Variants in KLF7 observed in about 807,000 individuals in gnomAD.
KLF7 encodes the protein Krueppel-like factor 7.
KLF7 carries 2 observed loss-of-function variants against 27.3 expected under a neutral mutation model. The ratio of observed to expected loss-of-function variants is 0.07; its 90% CI spans 0.03 to 0.23. The LOEUF (loss-of-function observed/expected upper bound fraction) is 0.23, where lower values mean the gene tolerates loss of function less well. Among genes scored for constraint, KLF7 ranks in the 10% least tolerant of loss-of-function variants. KLF7 has a pLI of 1.00. For synonymous variants in KLF7, 165 were observed against 162.4 expected (o/e 1.02, Z -0.12); for missense variants, 221 against 394.1 (o/e 0.56, Z 3.72).
chr2:207,161,697 T>C (rs911002317), intron 1 of KLF7, among the ~76,000 whole-genome samples: 1 of 152,210 alleles, frequency 6.6e-6, no homozygotes, highest in Non-Finnish European at 1.5e-5. Context: ...AGATTCCTTA[T>C]ACCAAAGGCC....
chr2:207,157,437 C>T (rs1012881241), intron 1 of KLF7, among the ~76,000 whole-genome samples: 7 of 151,682 alleles, frequency 4.6e-5, no homozygotes, highest in Non-Finnish European at 7.4e-5. Context: ...AGGAAAAAGG[C>T]TAAAGGAAAC....
upstream of KLF7, among the ~76,000 whole-genome samples, chr2:207,169,072 T>C (rs1387992160): frequency 3.9e-5 from 6 of 152,236 alleles, no homozygotes; most frequent in Non-Finnish European, 2.9e-5. Flanking sequence ...AGAGTGCATG[T>C]AATTTGCTCA....
rs536930734 is a variant in KLF7 at position 207,117,815 on chromosome 2, A to G, written c.733+5959T>C. Among the ~76,000 whole-genome samples the G allele has an allele frequency of 2.6e-5, 4 of 152,308 alleles. No individual in the cohort carries two copies. In the South Asian group the frequency reaches 8.3e-4, roughly 32 times the overall value. On this transcript the variant is annotated intron_variant, in intron 2 of 3. Transcript: ENST00000309446. ...ATAAACACTCTGTCCAGAAGGAGAG[A>G]AGCGACTTGTTATCTCCAAATCTTC...
chr2:207,090,530 G>A (rs2076488013), intron 2 of KLF7, among the ~76,000 whole-genome samples: 2 of 152,190 alleles, frequency 1.3e-5, no homozygotes, highest in South Asian at 4.1e-4. Context: ...TCAGTATTCA[G>A]TTCCTGTCTC....
At chr2:207,116,176 T>C (rs2077180562) in intron 2 of KLF7, among the ~76,000 whole-genome samples, 1 of 152,254 alleles carries the variant, frequency 6.6e-6, no homozygotes, top group Admixed American at 6.5e-5. Context: ...TGACACATTC[T>C]GCCCCTGGTG....
At chr2:207,098,589 AG>A (rs1422381178) in intron 2 of KLF7, among the ~76,000 whole-genome samples, 1 of 151,212 alleles carries the variant, frequency 6.6e-6, no homozygotes, top group African/African-American at 2.4e-5. Flanking sequence ...GAACGTATAC[AG>A]GAACAGACTC....
intron 1 of KLF7, among the ~76,000 whole-genome samples, chr2:207,145,770 G>A (rs562095794): frequency 6.6e-6 from 1 of 152,178 alleles, no homozygotes; most frequent in African/African-American, 2.4e-5. Flanking sequence ...AGTTCCACAA[G>A]AGCATGGGCA....
chr2:207,170,511 T>G (rs758306978), upstream of KLF7, among the ~76,000 whole-genome samples: 2 of 152,130 alleles, frequency 1.3e-5, no homozygotes, highest in Non-Finnish European at 2.9e-5. Flanking sequence ...AAGAAGATGC[T>G]CTCTAGGACT....
At chr2:207,134,118 C>T in intron 1 of KLF7, 1 of 1,532,602 alleles carries the variant, frequency 6.5e-7, no homozygotes, top group South Asian at 1.2e-5. Flanking sequence ...CCTTCCTCTC[C>T]CAAATCACTT....
intron 2 of KLF7, among the ~76,000 whole-genome samples, chr2:207,092,547 C>T (rs1056346222): frequency 2.8e-4 from 42 of 152,170 alleles, no homozygotes; most frequent in African/African-American, 9.2e-4. Context: ...GATGAGGGCT[C>T]GTAAGGAGAG....
chr2:207,097,396 T>C (rs1042611385), intron 2 of KLF7, among the ~76,000 whole-genome samples: 3 of 152,188 alleles, frequency 2.0e-5, no homozygotes, highest in African/African-American at 7.2e-5. Context: ...AAAGTTGCTA[T>C]TCATAGTGGT....
intron 2 of KLF7, among the ~76,000 whole-genome samples, chr2:207,106,502 T>C (rs2076886692): frequency 6.6e-6 from 1 of 152,170 alleles, no homozygotes; most frequent in African/African-American, 2.4e-5. Context: ...CTCCCAGGGT[T>C]TTGCTATGAG....
chr2:207,135,709 C>T (rs1223584888), intron 1 of KLF7, among the ~76,000 whole-genome samples: 1 of 152,146 alleles, frequency 6.6e-6, no homozygotes, highest in African/African-American at 2.4e-5. Flanking sequence ...ACCAAAGGAA[C>T]ATCAGAAGCA....
At chr2:207,115,907 T>C (rs2077168874) in intron 2 of KLF7, among the ~76,000 whole-genome samples, 1 of 152,188 alleles carries the variant, frequency 6.6e-6, no homozygotes, top group Non-Finnish European at 1.5e-5. Flanking sequence ...CTACAGTGTA[T>C]TGCTACCAGA....
In KLF7 at chr2:207,134,871, G is replaced by A. The variant is rs117456592; in HGVS notation, c.103-10467C>T. Among the ~76,000 whole-genome samples the A allele has an allele frequency of 2.6e-4, 39 of 152,294 alleles. No individual in the cohort carries two copies. In the East Asian group the frequency reaches 6.6e-3, roughly 26 times the overall value. The stretch of plus-strand genomic sequence containing the variant: ...ATGGGGTAATAGTAGTACCTACAAC[G>A]CAGAAGCATTGTGAGAGTTCAATCA... On this transcript the variant is annotated intron_variant, in intron 1 of 3. Coordinates refer to ENST00000309446, the MANE Select transcript of KLF7 (RefSeq NM_003709.4).
At chr2:207,110,242 C>T (rs2076996786) in intron 2 of KLF7, among the ~76,000 whole-genome samples, 1 of 152,240 alleles carries the variant, frequency 6.6e-6, no homozygotes. Context: ...TTCCAGTATG[C>T]TCCTCATGGT....
chr2:207,083,569 G>C lies in KLF7; in HGVS notation c.858-2305C>G, dbSNP rs145491533. 3.8e-3 allele frequency among the ~76,000 whole-genome samples: 582 copies of C among 152,310 alleles called. 7 individuals are homozygous for C. Among genetic ancestry groups the C allele is most frequent in the African/African-American group, 0.013 (548 of 41,554 alleles). On this transcript the variant is annotated intron_variant, in intron 3 of 3. Transcript: ENST00000309446. ...AGTCACATCTGCTTAACCACATTGAGGAGAAGAGAGAACTGGGCTGTCAAT... is the reference window on the plus strand; with the variant it reads ...AGTCACATCTGCTTAACCACATTGACGAGAAGAGAGAACTGGGCTGTCAAT...
rs36091471 is a variant in KLF7 at position 207,095,031 on chromosome 2, C to CTTTTTTTTTTTTT, written c.734-6463_734-6451dup. ...AACATTTGCCCTATTTGTTTTTATT[C>CTTTTTTTTTTTTT]TTTTTTTTTTTTTTTTTTTTTTTTT... is the stretch of plus-strand genomic sequence containing the variant. On this transcript the variant is annotated intron_variant, in intron 2 of 3. Transcript: ENST00000309446. Among the ~76,000 whole-genome samples the CTTTTTTTTTTTTT allele has an allele frequency of 2.8e-4, 23 of 82,416 alleles. 1 individual carries two copies. The highest frequency in any genetic ancestry group is 5.3e-4 in the South Asian group (1 of 1,902). The allele number at this position is 82,416 out of a possible 152,430, so 54.1% of individuals were successfully genotyped here. A position where few individuals can be genotyped will look rare whatever the true frequency, so the allele number is the denominator to read the frequency against.
At chr2:207,152,226 T>C (rs920012636) in intron 1 of KLF7, among the ~76,000 whole-genome samples, 6 of 149,192 alleles carry the variant, frequency 4.0e-5, no homozygotes, top group Admixed American at 1.4e-4. Context: ...TACAACATGC[T>C]TCTATGTCAG....
Sources: allele counts gnomAD v4.1 joint callset (sites outside exome capture counted in the v4.1 genomes callset), GRCh38; gene constraint gnomAD v4.1.1; transcripts MANE v1.5; gene names NCBI Gene and HGNC (gene_info 2026-07-23, HGNC 2026-07-21).